NTM: variants seen among roughly 807,000 people sequenced by gnomAD.
NTM encodes the protein neurotrimin, also known as IgLON family member 2.
In NTM, 13 loss-of-function variants were observed where a neutral mutation model predicts 42.1. The ratio of observed to expected loss-of-function variants is 0.31; its 90% confidence interval spans 0.20 to 0.49. The LOEUF (loss-of-function observed/expected upper bound fraction) is 0.49, where lower values mean the gene tolerates loss of function less well. NTM is among the 20% of genes least tolerant of loss of function. The probability of loss-of-function intolerance (pLI) is 0.99; values close to 1 mark genes in which losing one functional copy is unlikely to be tolerated. For missense variants in NTM, 373 were observed against 452.8 expected (o/e 0.82, Z 1.60); for synonymous variants, 187 against 179.2 (o/e 1.04, Z -0.35).
chr11:131,907,160 C>G (rs1280672080), intron 1 of NTM, among the ~76,000 whole-genome samples: 1 of 152,216 alleles, frequency 6.6e-6, no homozygotes, highest in African/African-American at 2.4e-5. Flanking sequence ...CGAGGAGAAG[C>G]AGAGCTGGCA....
rs1450048007 is a variant in NTM, at chr11:132,165,444, C to T, written c.400+18930C>T. Among the ~76,000 whole-genome samples the T allele has an allele frequency of 2.0e-5, 3 of 152,186 alleles. No individual in the cohort carries two copies. The East Asian group carries it at 5.8e-4, about 29-fold the overall frequency. ...TCCCATTTACCTAACTTATTGCCTT[C>T]CTACAGCCTGTGTCCTCCACTGTGC... On this transcript the variant is annotated intron_variant, in intron 3 of 8. Coordinates refer to ENST00000683400, the MANE Select transcript of NTM (RefSeq NM_001352005.2).
At chr11:132,309,545 A>G (rs1008004985) in intron 5 of NTM, among the ~76,000 whole-genome samples, 2 of 152,204 alleles carry the variant, frequency 1.3e-5, no homozygotes, top group African/African-American at 4.8e-5. Flanking sequence ...TGAAAGTTAA[A>G]AAGTTTAAAC....
intron 2 of NTM, among the ~76,000 whole-genome samples, chr11:132,041,411 C>T (rs1028717184): frequency 6.6e-6 from 1 of 152,178 alleles, no homozygotes; most frequent in African/African-American, 2.4e-5. Flanking sequence ...ATGAGACTCA[C>T]TCTAACATGC....
At chr11:131,524,703 A>C (rs890990042) in intron 1 of NTM, among the ~76,000 whole-genome samples, 2 of 152,200 alleles carry the variant, frequency 1.3e-5, no homozygotes, top group Non-Finnish European at 2.9e-5. Context: ...TTTAGCAAAT[A>C]AGTTGCTGAT....
At chr11:131,992,421 C>T (rs185016592) in intron 2 of NTM, among the ~76,000 whole-genome samples, 37 of 151,788 alleles carry the variant, frequency 2.4e-4, no homozygotes, top group Admixed American at 5.9e-4. Flanking sequence ...TTTTCAACTG[C>T]ATGGGGGTCC....
chr11:131,916,574 G>C (rs2056421773), intron 2 of NTM, among the ~76,000 whole-genome samples: 1 of 152,190 alleles, frequency 6.6e-6, no homozygotes. Context: ...TTTGATACTT[G>C]AGAGGACGCG....
chr11:132,143,033 C>A (rs2069525947), intron 2 of NTM, among the ~76,000 whole-genome samples: 1 of 152,190 alleles, frequency 6.6e-6, no homozygotes, highest in Admixed American at 6.5e-5. Context: ...GGCCACTCAC[C>A]TGGTACTTGT....
At chr11:131,681,959 C>T (rs2073024988) in intron 1 of NTM, among the ~76,000 whole-genome samples, 1 of 151,922 alleles carries the variant, frequency 6.6e-6, no homozygotes, top group Admixed American at 6.6e-5. Flanking sequence ...CTAGAGAACC[C>T]GGCTAAGTGA....
chr11:131,433,164 C>A (rs1430844130), intron 1 of NTM, among the ~76,000 whole-genome samples: 1 of 152,086 alleles, frequency 6.6e-6, no homozygotes. Context: ...GCCTAGCATT[C>A]TTAAACCTGT....
In NTM at chr11:131,508,959, G is replaced by A. The variant is rs530915595; in HGVS notation, c.82+138071G>A. On this transcript the variant is annotated intron_variant, in intron 1 of 8. Transcript: ENST00000683400. ...TAGATGACGAGTTACTGGGTGCAGC[G>A]CACCAACATGGCACATGTATACATA... Among the ~76,000 whole-genome samples the A allele has an allele frequency of 1.1e-3, 168 of 150,406 alleles. 2 individuals are homozygous for A. Among genetic ancestry groups the A allele is most frequent in the African/African-American group, 3.5e-3 (141 of 40,760 alleles).
intron 1 of NTM, among the ~76,000 whole-genome samples, chr11:131,849,950 AC>A (rs2045343547): frequency 7.1e-6 from 1 of 140,006 alleles, no homozygotes; most frequent in Non-Finnish European, 1.5e-5. Context: ...GTGTACATGT[AC>A]CCTAAAACTT....
intron 1 of NTM, among the ~76,000 whole-genome samples, chr11:131,532,323 C>T (rs1034376606): frequency 2.6e-5 from 4 of 152,266 alleles, no homozygotes; most frequent in South Asian, 4.2e-4. Context: ...ATCATTCATT[C>T]GTCATTTTTA....
chr11:131,371,972 G>T (rs533056054), intron 1 of NTM, among the ~76,000 whole-genome samples: 1 of 152,248 alleles, frequency 6.6e-6, no homozygotes, highest in Admixed American at 6.5e-5. Context: ...CCTCTGACCC[G>T]GTGAAAAACG....
rs398018112 is a variant in NTM at position 131,735,835 on chromosome 11, G to GGTGTGTGT, written c.83-175696_83-175689dup. Among the ~76,000 whole-genome samples the GGTGTGTGT allele has an allele frequency of 3.3e-3, 395 of 121,364 alleles. 1 individual carries two copies. The highest frequency in any genetic ancestry group is 4.1e-3 in the East Asian group (15 of 3,702). The allele number at this position is 121,364 out of a possible 152,430, so 79.6% of individuals were successfully genotyped here. On this transcript the variant is annotated intron_variant, in intron 1 of 8. Transcript: ENST00000683400. Reference sequence around the variant, plus strand: ...CCGTTCCTTAGATTTCCATTCATAAGGTGTGTGTGTGTGTGTGTGTGTGTG... The same window carrying GGTGTGTGT: ...CCGTTCCTTAGATTTCCATTCATAAGGTGTGTGTGTGTGTGTGTGTGTGTGTGTGTGTG...
At chr11:132,225,456 T>C (rs1209597868) in intron 4 of NTM, among the ~76,000 whole-genome samples, 3 of 152,058 alleles carry the variant, frequency 2.0e-5, no homozygotes, top group Non-Finnish European at 2.9e-5. Context: ...AGAGAGGGTG[T>C]TCCAGGCAGA....
chr11:132,308,032 G>T (rs1324621529), intron 5 of NTM, among the ~76,000 whole-genome samples: 1 of 152,226 alleles, frequency 6.6e-6, no homozygotes, highest in African/African-American at 2.4e-5. Flanking sequence ...GAAAGAAAAA[G>T]TAGCTAAAGT....
Position 131,683,897 on chromosome 11 carries a change from G to A in NTM, c.83-227667G>A, listed in dbSNP as rs922802906. 5.3e-5 allele frequency among the ~76,000 whole-genome samples: 8 copies of A among 152,144 alleles called. No homozygotes were observed. The East Asian group carries it at 5.8e-4, about 11-fold the overall frequency. On this transcript the variant is annotated intron_variant, in intron 1 of 8. Transcript: ENST00000683400. ...CCTGGTGCGTGTTGCTTTGTGAGGC[G>A]CTGATCTGCTGGAGGGTGGGATGTA...
intron 1 of NTM, among the ~76,000 whole-genome samples, chr11:131,392,226 G>C (rs1318528579): frequency 6.6e-6 from 1 of 151,900 alleles, no homozygotes; most frequent in Non-Finnish European, 1.5e-5. Flanking sequence ...TCATCCCAGG[G>C]ATGGGAGTCC....
At chr11:131,625,717 G>T (rs148284930) in intron 1 of NTM, among the ~76,000 whole-genome samples, 1 of 152,116 alleles carries the variant, frequency 6.6e-6, no homozygotes, top group Non-Finnish European at 1.5e-5. Flanking sequence ...GCCCTGTTGT[G>T]CTCACAGCTG....
Sources: allele counts gnomAD v4.1 joint callset (sites outside exome capture counted in the v4.1 genomes callset), GRCh38; gene constraint gnomAD v4.1.1; transcripts MANE v1.5; gene names NCBI Gene and HGNC (gene_info 2026-07-23, HGNC 2026-07-21).